Variants in SYT17 observed in about 807,000 individuals in gnomAD.
SYT17 encodes synaptotagmin-17.
SYT17 carries 22 observed loss-of-function variants against 46.7 expected under a neutral mutation model. The ratio of observed to expected loss-of-function variants is 0.47; its 90% CI spans 0.34 to 0.67. The LOEUF is 0.67. SYT17 is among the 30% of genes least tolerant of loss of function. The pLI is 0.01. For missense variants in SYT17, 519 were observed against 612.8 expected, an observed-to-expected ratio of 0.85 and a Z score of 1.62; for synonymous variants, 251 against 248.4, an observed-to-expected ratio of 1.01 and a Z score of -0.10.
At chr16:19,218,016 T>G (rs1966161535) in intron 5 of SYT17, among the ~76,000 whole-genome samples, 1 of 152,256 alleles carries the variant, frequency 6.6e-6, no homozygotes, top group South Asian at 2.1e-4. Flanking sequence ...AACCTTGTTC[T>G]TTTTGTTTAT....
intron 5 of SYT17, among the ~76,000 whole-genome samples, chr16:19,185,423 CA>C (rs1337023964): frequency 6.6e-6 from 1 of 152,012 alleles, no homozygotes; most frequent in Non-Finnish European, 1.5e-5. Flanking sequence ...CCCGTCTCTA[CA>C]AAAAACAATT....
At chr16:19,176,484 G>A (rs751630759) in intron 3 of SYT17, among the ~76,000 whole-genome samples, 26 of 152,186 alleles carry the variant, frequency 1.7e-4, no homozygotes, top group Non-Finnish European at 2.9e-4. Flanking sequence ...GGGCCATATG[G>A]TCTCTGTTGC....
intron 7 of SYT17, among the ~76,000 whole-genome samples, chr16:19,232,747 C>T (rs1380986715): frequency 3.3e-5 from 5 of 151,998 alleles, no homozygotes; most frequent in African/African-American, 1.2e-4. Flanking sequence ...GGGAGGATTG[C>T]TTGAGCCTTG....
At chr16:19,203,014 A>T (rs1323998451) in intron 5 of SYT17, among the ~76,000 whole-genome samples, 2 of 152,180 alleles carry the variant, frequency 1.3e-5, no homozygotes, top group Non-Finnish European at 2.9e-5. Flanking sequence ...TTTGCCAGCA[A>T]CGGGGACGAG....
intron 5 of SYT17, chr16:19,211,522 T>C (rs893928506): frequency 1.4e-6 from 1 of 701,688 alleles, no homozygotes; most frequent in African/African-American, 1.7e-5. Flanking sequence ...AGAGGGGTGT[T>C]TTCAACTGAG....
intron 5 of SYT17, among the ~76,000 whole-genome samples, chr16:19,195,406 T>A (rs1433663661): frequency 6.6e-6 from 1 of 151,962 alleles, no homozygotes; most frequent in East Asian, 1.9e-4. Context: ...AAACCTTTTT[T>A]TTTTTTTTTT....
chr16:19,247,432 A>G (rs1597020007), intron 7 of SYT17, among the ~76,000 whole-genome samples: 1 of 152,188 alleles, frequency 6.6e-6, no homozygotes, highest in Non-Finnish European at 1.5e-5. Context: ...TCAAATTTGC[A>G]ATTTTTAAAA....
chr16:19,222,129 T>C (rs1436312818), intron 5 of SYT17, among the ~76,000 whole-genome samples: 1 of 152,170 alleles, frequency 6.6e-6, no homozygotes, highest in Admixed American at 6.5e-5. Context: ...AATGACACCA[T>C]ATCGAGGGCT....
In SYT17 at chr16:19,168,760, C is replaced by T; in HGVS notation, c.15+99C>T. Reference sequence around the variant, plus strand: ...GGAAGGGAGGGCCCACGGCTAGGCTCCCACAAACTTGCTTCGAGAAAAAGG... The same window carrying T: ...GGAAGGGAGGGCCCACGGCTAGGCTTCCACAAACTTGCTTCGAGAAAAAGG... On this transcript the variant is annotated intron_variant, in intron 1 of 7. Coordinates refer to ENST00000355377, the MANE Select transcript of SYT17 (RefSeq NM_016524.4). This position sits in a 1 kb window ranked among gnomAD's most constrained non-coding sequence, Gnocchi z 6.9. The T allele has an allele frequency of 1.5e-6, 2 of 1,357,658 alleles. No homozygotes were observed. Among genetic ancestry groups the T allele is most frequent in the South Asian group, 1.6e-5 (1 of 63,884 alleles). 84.1% of individuals were successfully genotyped at this position (1,357,658 alleles called of 1,614,324 possible).
At chr16:19,213,238 G>C (rs1421222577) in intron 5 of SYT17, among the ~76,000 whole-genome samples, 2 of 152,128 alleles carry the variant, frequency 1.3e-5, no homozygotes, top group Non-Finnish European at 2.9e-5. Context: ...GGAGGGAAGG[G>C]GTTTTTATCC....
intron 1 of SYT17, chr16:19,171,467 GCGCCTGCCACCA>G (rs1964088705): frequency 6.6e-6 from 1 of 152,278 alleles, no homozygotes; most frequent in South Asian, 2.1e-4. Context: ...GGGATTACAG[GCGCCTGCCACCA>G]CGCCTGGCTA....
chr16:19,195,412 T>C (rs548850095), intron 5 of SYT17, among the ~76,000 whole-genome samples: 6 of 152,090 alleles, frequency 3.9e-5, no homozygotes, highest in African/African-American at 1.2e-4. Context: ...TTTTTTTTTT[T>C]TTTTAAGAGA....
At chr16:19,255,991 A>T (rs927361825) in intron 7 of SYT17, among the ~76,000 whole-genome samples, 2 of 152,078 alleles carry the variant, frequency 1.3e-5, no homozygotes, top group Admixed American at 6.6e-5. Flanking sequence ...TATTTCCAGG[A>T]TCTGCTCAAG....
intron 7 of SYT17, among the ~76,000 whole-genome samples, chr16:19,259,102 A>G (rs1253852557): frequency 1.3e-5 from 2 of 152,334 alleles, no homozygotes; most frequent in South Asian, 2.1e-4. Context: ...CATTGTCTGA[A>G]GAAGGGAACT....
intron 5 of SYT17, among the ~76,000 whole-genome samples, chr16:19,203,634 G>A (rs1965553884): frequency 6.6e-6 from 1 of 152,228 alleles, no homozygotes; most frequent in South Asian, 2.1e-4. Context: ...AGTCTAGGCT[G>A]AAGGCCACAG....
chr16:19,222,780 G>A (rs962637055), intron 5 of SYT17, among the ~76,000 whole-genome samples: 54 of 152,212 alleles, frequency 3.5e-4, no homozygotes, highest in Non-Finnish European at 7.3e-5. Flanking sequence ...GTACATGGCA[G>A]TGAAGCATTT....
intron 7 of SYT17, among the ~76,000 whole-genome samples, chr16:19,239,676 G>A (rs890941297): frequency 6.6e-6 from 1 of 152,164 alleles, no homozygotes; most frequent in African/African-American, 2.4e-5. Flanking sequence ...ATAGTGTTAC[G>A]AGATCATTGA....
chr16:19,197,800 T>C (rs571415605), intron 5 of SYT17, among the ~76,000 whole-genome samples: 1 of 152,306 alleles, frequency 6.6e-6, no homozygotes, highest in African/African-American at 2.4e-5. Flanking sequence ...CCAACTTTCC[T>C]GTTATGTAGA....
chr16:19,174,439 A>G (rs938675449), intron 3 of SYT17, among the ~76,000 whole-genome samples: 3 of 152,180 alleles, frequency 2.0e-5, no homozygotes, highest in African/African-American at 7.2e-5. Context: ...GCCAGGACCC[A>G]CAGCTGGAGC....
Sources: gnomAD v4.1 joint callset for allele counts (sites outside exome capture counted in the v4.1 genomes callset) on GRCh38, gnomAD v4.1.1 for gene constraint, Gnocchi (gnomAD v3.1) non-coding constraint, MANE v1.5 for transcripts, NCBI Gene and HGNC (gene_info 2026-07-23, HGNC 2026-07-21) for gene names.